Variants in ALOX5 observed in about 807,000 individuals in gnomAD.
ALOX5 encodes the protein arachidonate 5-lipoxygenase.
ALOX5 carries 64 observed loss-of-function variants against 87.9 expected under a neutral mutation model. That is an observed-to-expected ratio of 0.73 (90% CI 0.60 to 0.90). The LOEUF (loss-of-function observed/expected upper bound fraction) is 0.90. ALOX5 is among the 40% of genes least tolerant of loss of function. ALOX5 has a pLI of 0.00. For missense variants in ALOX5, 822 were observed against 907.5 expected (o/e 0.91, Z 1.21); for synonymous variants, 388 against 355.1 (o/e 1.09, Z -1.04).
intron 9 of ALOX5, among the ~76,000 whole-genome samples, chr10:45,441,911 A>T (rs1352163249): frequency 6.6e-6 from 1 of 151,692 alleles, no homozygotes; most frequent in Admixed American, 6.6e-5. Flanking sequence ...CTCAGGTAGC[A>T]CCCCACCTCG....
In ALOX5 at chr10:45,428,684, T is replaced by A. The variant is rs1296568163; in HGVS notation, c.901T>A (p.Cys301Ser). 6.2e-7 allele frequency: 1 copy of A among 1,614,020 alleles called. No homozygotes were observed. The highest frequency in any genetic ancestry group is 1.7e-5 in the Admixed American group (1 of 60,004). Reference protein sequence around the residue: ...DGIDANKTDPCTLQFLAAPIC... With the variant: ...DGIDANKTDPSTLQFLAAPIC... ...CATCGATGCCAACAAAACAGACCCC[T>A]GCACACTCCAGTTCCTGGCCGCTCC... Residue 301 changes from cysteine to serine, a missense_variant, in exon 7 of 14, where the codon TGC (cysteine) becomes AGC (serine). Cys to Ser is a moderately radical substitution (Grantham distance 112, BLOSUM62 -1). Coordinates refer to ENST00000374391, the MANE Select transcript of ALOX5 (RefSeq NM_000698.5).
At chr10:45,416,673 T>C (rs1483860092) in intron 4 of ALOX5, among the ~76,000 whole-genome samples, 1 of 151,876 alleles carries the variant, frequency 6.6e-6, no homozygotes, top group Non-Finnish European at 1.5e-5. Context: ...ATCAAACCGA[T>C]GGACAGGCAG....
chr10:45,428,898 G>A (rs1841823996), intron 7 of ALOX5, 134 bp downstream of exon 7: 1 of 1,239,092 alleles, frequency 8.1e-7, no homozygotes, highest in Admixed American at 2.4e-5. Context: ...AGGCCCTGAG[G>A]TGGGCTGTCC....
chr10:45,396,379 T>A (rs1413831460), intron 3 of ALOX5, among the ~76,000 whole-genome samples: 3 of 151,104 alleles, frequency 2.0e-5, no homozygotes, highest in Non-Finnish European at 4.4e-5. Flanking sequence ...TTAAAATGAA[T>A]AAAAAAGGAA....
At chr10:45,376,895 A>C (rs1839634736) in intron 1 of ALOX5, among the ~76,000 whole-genome samples, 1 of 152,216 alleles carries the variant, frequency 6.6e-6, no homozygotes, top group South Asian at 2.1e-4. Flanking sequence ...TGCTGGAGAA[A>C]GCCGGGATCC....
rs1044242885 is a variant in ALOX5 at position 45,404,137 on chromosome 10, C to T, written c.432-8054C>T. On this transcript the variant is annotated intron_variant, in intron 3 of 13. Transcript: ENST00000374391. ...TGCAGCAGGGGGCTTCTGGTGAGAT[C>T]GTTTCCCCCTTTCTTAGATTTAATC... Among the ~76,000 whole-genome samples, 13 of 152,304 alleles carry T rather than the reference C, an allele frequency of 8.5e-5. No individual in the cohort carries two copies. In the Middle Eastern group the frequency reaches 0.01, roughly 120 times the overall value.
At chr10:45,388,171 C>A (rs2132692282) in intron 2 of ALOX5, among the ~76,000 whole-genome samples, 1 of 152,314 alleles carries the variant, frequency 6.6e-6, no homozygotes, top group East Asian at 1.9e-4. Flanking sequence ...CCCATGCCCA[C>A]AGAGCCTTGC....
At chr10:45,408,140 G>C (rs546435134) in intron 3 of ALOX5, among the ~76,000 whole-genome samples, 1 of 152,056 alleles carries the variant, frequency 6.6e-6, no homozygotes, top group East Asian at 1.9e-4. Flanking sequence ...ATCTGTATCT[G>C]GCTTTCATGT....
At chr10:45,397,160 A>T (rs1840539892) in intron 3 of ALOX5, among the ~76,000 whole-genome samples, 1 of 152,192 alleles carries the variant, frequency 6.6e-6, no homozygotes, top group Admixed American at 6.5e-5. Flanking sequence ...AGGCGGGTGG[A>T]TCACGATGTC....
chr10:45,374,511 G>A (rs567536546), intron 1 of ALOX5, 82 bp downstream of exon 1: 6 of 1,302,594 alleles, frequency 4.6e-6, no homozygotes, highest in Non-Finnish European at 5.0e-6. Context: ...CTGGGCGGGG[G>A]CGCCGAGGGC....
intron 3 of ALOX5, among the ~76,000 whole-genome samples, chr10:45,399,363 TA>T (rs1346823506): frequency 1.3e-5 from 2 of 152,258 alleles, no homozygotes; most frequent in East Asian, 1.9e-4. Context: ...GAAAATGTTC[TA>T]AAACTGATGG....
Position 45,443,153 on chromosome 10 carries a change from A to C in ALOX5, c.1388A>C (p.Lys463Thr). 1.2e-6 allele frequency: 2 copies of C among 1,613,824 alleles called. No homozygotes were observed. Among genetic ancestry groups the C allele is most frequent in the Non-Finnish European group, 1.7e-6 (2 of 1,179,974 alleles). ...EAIKARGMESKEDIPYYFYRD... is the reference protein window; with the variant it reads ...EAIKARGMESTEDIPYYFYRD... ...ATCAAGGCCCGGGGCATGGAGAGCA[A>C]AGAAGACATCCCCTACTACTTCTAC... The change falls in exon 10 of 14, where the codon AAA becomes ACA. Residue 463 changes from lysine (K) to threonine (T), a missense_variant. Physicochemically the swap from Lys to Thr is moderately conservative, Grantham distance 78. Coordinates refer to ENST00000374391, the MANE Select transcript of ALOX5 (RefSeq NM_000698.5).
Position 45,374,426 on chromosome 10 carries a change from C to A in ALOX5, c.147C>A (p.Gly49=), listed in dbSNP as rs748435739. 26 of 1,546,326 alleles carry A rather than the reference C, an allele frequency of 1.7e-5. No individual in the cohort carries two copies. The highest frequency in any genetic ancestry group is 1.7e-4 in the Middle Eastern group (1 of 5,828). The change falls in exon 1 of 14, where the codon GGC becomes GGA. Residue 49 remains glycine (G), a synonymous_variant. Coordinates refer to ENST00000374391, the MANE Select transcript of ALOX5 (RefSeq NM_000698.5). ...CCTTCTACAACGACTTCGAGCGTGG[C>A]GCGGTGAGCGCGGGCGGGGCACGGG... ...DKPFYNDFER[G]AVDSYDVTVD...
chr10:45,386,920 A>T (rs1840027478), intron 2 of ALOX5, among the ~76,000 whole-genome samples: 1 of 152,180 alleles, frequency 6.6e-6, no homozygotes, highest in African/African-American at 2.4e-5. Context: ...CTGCAGTGAG[A>T]GACGGCAGCA....
rs952961548 is a variant in ALOX5, at chr10:45,406,781, A to G, written c.432-5410A>G. Among the ~76,000 whole-genome samples the G allele has an allele frequency of 6.6e-5, 10 of 152,150 alleles. 1 individual carries two copies. Among genetic ancestry groups the G allele is most frequent in the African/African-American group, 1.9e-4 (8 of 41,430 alleles). On this transcript the variant is annotated intron_variant, in intron 3 of 13. Transcript: ENST00000374391. ...TTGTTGTTAGTGAGTCTGGTTAGTT[A>G]ATGTGCTCATATTATCTAAATGTTA...
chr10:45,436,516 C>T (rs529352327), intron 7 of ALOX5, among the ~76,000 whole-genome samples: 32 of 152,174 alleles, frequency 2.1e-4, no homozygotes, highest in African/African-American at 5.3e-4. Context: ...ATGTCCTTTC[C>T]TTATTGTTTA....
At chr10:45,397,567 C>T (rs1245392372) in intron 3 of ALOX5, among the ~76,000 whole-genome samples, 5 of 152,050 alleles carry the variant, frequency 3.3e-5, no homozygotes, top group Admixed American at 3.3e-4. Flanking sequence ...GTAAGTAAAA[C>T]TACCACAATT....
chr10:45,405,164 G>T (rs1490747473), intron 3 of ALOX5, among the ~76,000 whole-genome samples: 2 of 152,334 alleles, frequency 1.3e-5, no homozygotes, highest in African/African-American at 2.4e-5. Flanking sequence ...TGATGTACTG[G>T]TGCTTTAATT....
chr10:45,435,047 C>T (rs1363856669), intron 7 of ALOX5, among the ~76,000 whole-genome samples: 5 of 152,234 alleles, frequency 3.3e-5, no homozygotes, highest in African/African-American at 1.2e-4. Flanking sequence ...CAAGTTCTGG[C>T]ATCCCATGGC....
Sources: allele counts gnomAD v4.1 joint callset (sites outside exome capture counted in the v4.1 genomes callset), GRCh38; gene constraint gnomAD v4.1.1; transcripts MANE v1.5; gene names NCBI Gene and HGNC (gene_info 2026-07-23, HGNC 2026-07-21).